The following ADGRL2 variants were observed in gnomAD, a reference collection of about 807,000 sequenced individuals.
ADGRL2 encodes calcium-independent alpha-latrotoxin receptor 2.
Under a neutral mutation model 157.4 loss-of-function variants are expected in ADGRL2, and 44 were observed. That is an observed-to-expected ratio of 0.28 (90% CI 0.22 to 0.36). ADGRL2 has a LOEUF of 0.36. ADGRL2 is among the 10% of genes least tolerant of loss of function. ADGRL2 has a pLI of 1.00. For missense variants in ADGRL2, 1,510 were observed against 1,768.9 expected, an observed-to-expected ratio of 0.85 and a Z score of 2.63; for synonymous variants, 585 against 624.7, an observed-to-expected ratio of 0.94 and a Z score of 0.95.
intron 1 of ADGRL2, chr1:81,721,641 TG>T: frequency 1.2e-6 from 1 of 815,142 alleles, no homozygotes; most frequent in South Asian, 1.5e-5. Flanking sequence ...AGCCAGCGCC[TG>T]GGCCTGGAAC....
chr1:81,624,558 C>A (rs546747372), intron 3 of ADGRL2, among the ~76,000 whole-genome samples: 45 of 148,322 alleles, frequency 3.0e-4, no homozygotes, highest in African/African-American at 6.1e-4. Context: ...CCACCCCCCC[C>A]AAAAATAAAA....
At chr1:81,730,033 C>T (rs1360738204) in intron 1 of ADGRL2, among the ~76,000 whole-genome samples, 1 of 152,126 alleles carries the variant, frequency 6.6e-6, no homozygotes, top group Non-Finnish European at 1.5e-5. Context: ...ACAAAGATGT[C>T]AAAGCTGCTA....
At chr1:81,987,304 G>A in intron 22 of ADGRL2, 1 of 1,596,332 alleles carries the variant, frequency 6.3e-7, no homozygotes, top group South Asian at 1.1e-5. Flanking sequence ...ACATCACATG[G>A]TCTGAGAGCC....
intron 2 of ADGRL2, among the ~76,000 whole-genome samples, chr1:81,481,063 T>A (rs2078376424): frequency 6.6e-6 from 1 of 152,206 alleles, no homozygotes; most frequent in Non-Finnish European, 1.5e-5. Flanking sequence ...GAAATTTAAT[T>A]TGAACATTGG....
At chr1:81,901,628 AT>A (rs1353234640) in intron 2 of ADGRL2, among the ~76,000 whole-genome samples, 76 of 151,946 alleles carry the variant, frequency 5.0e-4, no homozygotes, top group African/African-American at 1.8e-3. Flanking sequence ...ATTCTAGATC[AT>A]TAATGTGATA....
Position 81,567,506 on chromosome 1 carries a change from A to G in ADGRL2, c.-247-13370A>G, listed in dbSNP as rs541255467. ...ACTTATCCGGAATGCTGAAAATAAG[A>G]TAGAACTTATCTTCCTCTTCAAAAG... On this transcript the variant is annotated intron_variant, in intron 2 of 24. Transcript: ENST00000370721. Among the ~76,000 whole-genome samples the G allele has an allele frequency of 2.0e-5, 3 of 152,260 alleles. No individual in the cohort carries two copies. The South Asian group carries it at 6.2e-4, about 32-fold the overall frequency.
At chr1:81,455,508 T>C (rs1203422519) in intron 2 of ADGRL2, among the ~76,000 whole-genome samples, 4 of 152,220 alleles carry the variant, frequency 2.6e-5, no homozygotes, top group African/African-American at 9.6e-5. Flanking sequence ...CTGAGCTTGT[T>C]ATCTGTGCTC....
rs115721899 is a variant in ADGRL2 at position 81,353,882 on chromosome 1, C to T, written c.-302+47373C>T. Among the ~76,000 whole-genome samples the T allele has an allele frequency of 9.5e-3, 1,448 of 152,142 alleles. 23 individuals carry two copies. Among genetic ancestry groups the T allele is most frequent in the African/African-American group, 0.033 (1,364 of 41,502 alleles). On this transcript the variant is annotated intron_variant, in intron 1 of 24. Transcript: ENST00000370721. ...AGGTAAGTGAAATCATGCGAAAGGG[C>T]GACAGCGTCCCAGGTAAAATGTGTA... is the stretch of plus-strand genomic sequence containing the variant.
intron 2 of ADGRL2, among the ~76,000 whole-genome samples, chr1:81,531,038 C>G (rs1432414020): frequency 6.7e-6 from 1 of 149,644 alleles, no homozygotes; most frequent in Non-Finnish European, 1.5e-5. Flanking sequence ...GAGCTGAGAT[C>G]GCACCACTGC....
At chr1:81,524,240 C>G (rs1180199219) in intron 2 of ADGRL2, among the ~76,000 whole-genome samples, 1 of 152,038 alleles carries the variant, frequency 6.6e-6, no homozygotes, top group Non-Finnish European at 1.5e-5. Context: ...GTGACGGGCG[C>G]CTGTAGTCCC....
intron 2 of ADGRL2, among the ~76,000 whole-genome samples, chr1:81,558,579 C>T (rs1444265258): frequency 6.6e-6 from 1 of 152,022 alleles, no homozygotes; most frequent in African/African-American, 2.4e-5. Context: ...TTCATGCAAC[C>T]TTTCAGCTCC....
At chr1:81,346,522 A>G (rs548385645) in intron 1 of ADGRL2, among the ~76,000 whole-genome samples, 1 of 152,248 alleles carries the variant, frequency 6.6e-6, no homozygotes, top group Admixed American at 6.5e-5. Flanking sequence ...GGAGATAGAG[A>G]CTTTAGTGAG....
chr1:81,522,296 A>G (rs1417044027), intron 2 of ADGRL2, among the ~76,000 whole-genome samples: 1 of 152,184 alleles, frequency 6.6e-6, no homozygotes. Context: ...CTGATTTAAT[A>G]AAATCAGTGC....
At chr1:81,881,330 C>T (rs586999) in intron 2 of ADGRL2, among the ~76,000 whole-genome samples, 1,541 of 152,232 alleles carry the variant, frequency 0.01, 30 homozygotes, top group African/African-American at 0.035. Context: ...AGCCCGCCGC[C>T]ACGCCCGGCT....
chr1:81,535,094 G>A (rs2079701991), intron 2 of ADGRL2, among the ~76,000 whole-genome samples: 1 of 152,120 alleles, frequency 6.6e-6, no homozygotes, highest in African/African-American at 2.4e-5. Context: ...CTACTGAGCT[G>A]TTGTTTAGTA....
At chr1:81,504,024 C>A (rs908127719) in intron 2 of ADGRL2, among the ~76,000 whole-genome samples, 2 of 152,158 alleles carry the variant, frequency 1.3e-5, no homozygotes, top group African/African-American at 4.8e-5. Context: ...GTCCCTCAAA[C>A]ACAAGTCTTG....
intron 1 of ADGRL2, among the ~76,000 whole-genome samples, chr1:81,709,263 A>C (rs1570911938): frequency 6.6e-6 from 1 of 152,178 alleles, no homozygotes; most frequent in Non-Finnish European, 1.5e-5. Context: ...CTAATGGGAG[A>C]CAAGATCCAT....
intron 1 of ADGRL2, among the ~76,000 whole-genome samples, chr1:81,401,977 G>T (rs1168847578): frequency 6.6e-6 from 1 of 150,452 alleles, no homozygotes; most frequent in African/African-American, 2.5e-5. Context: ...ATTAAAATTA[G>T]TAATTGTTTG....
chr1:81,421,155 T>A (rs746263099), intron 1 of ADGRL2, among the ~76,000 whole-genome samples: 1 of 152,230 alleles, frequency 6.6e-6, no homozygotes, highest in Non-Finnish European at 1.5e-5. Context: ...CTTTAGAGCC[T>A]CATTTTTTTC....
Sources: allele counts gnomAD v4.1 joint callset (sites outside exome capture counted in the v4.1 genomes callset), GRCh38; gene constraint gnomAD v4.1.1; transcripts MANE v1.5; gene names NCBI Gene and HGNC (gene_info 2026-07-23, HGNC 2026-07-21).